The following BRPF3 variants were observed in gnomAD, a reference collection of about 807,000 sequenced individuals.
The protein encoded by BRPF3 is bromodomain and PHD finger containing 3.
Under a neutral mutation model 102.0 loss-of-function variants are expected in BRPF3, and 18 were observed. The observed-to-expected ratio is 0.18, with a 90% confidence interval of 0.12 to 0.26. BRPF3 has a LOEUF of 0.26. Ranked by LOEUF, BRPF3 falls within the 10% of genes least tolerant of loss-of-function variation. The probability of loss-of-function intolerance (pLI) is 1.00; values close to 1 mark genes in which losing one functional copy is unlikely to be tolerated. For synonymous variants in BRPF3, 570 were observed against 614.2 expected, an observed-to-expected ratio of 0.93 and a Z score of 1.06; for missense variants, 1,147 against 1,567.8, an observed-to-expected ratio of 0.73 and a Z score of 4.53.
chr6:36,211,147 T>C (rs1329304155), intron 6 of BRPF3, 111 bp from the exon 7 acceptor site: 22 of 1,250,180 alleles, frequency 1.8e-5, no homozygotes, highest in Non-Finnish European at 2.3e-5. Context: ...TGGAAGCTGC[T>C]GGCCCAGGCA....
chr6:36,213,583 G>T (rs1032398573), intron 7 of BRPF3, among the ~76,000 whole-genome samples: 3 of 151,876 alleles, frequency 2.0e-5, no homozygotes, highest in African/African-American at 7.3e-5. Context: ...TGTGCTTATA[G>T]ACCTAGCTAC....
chr6:36,232,098 A>G lies in BRPF3; in HGVS notation c.*1489A>G, dbSNP rs1331714768. ...AACCAACCACCACAACTTCTTATAC[A>G]TTTGGGACATGAGCCAGAGTTTAAA... On this transcript the variant is annotated 3_prime_UTR_variant, in exon 13 of 13. Transcript: ENST00000357641. 1 of 152,662 alleles carries G rather than the reference A, an allele frequency of 6.6e-6. No homozygotes were observed. The highest frequency in any genetic ancestry group is 6.5e-5 in the Admixed American group (1 of 15,286). The allele number at this position is 152,662 out of a possible 1,614,324, so 9.5% of individuals were successfully genotyped here. A position where few individuals can be genotyped will look rare whatever the true frequency, so the allele number is the denominator to read the frequency against.
chr6:36,204,768 T>C lies in BRPF3; in HGVS notation c.1559T>C (p.Ile520Thr). 6.2e-7 allele frequency: 1 copy of C among 1,614,238 alleles called. No individual in the cohort carries two copies. Among genetic ancestry groups the C allele is most frequent in the Non-Finnish European group, 8.5e-7 (1 of 1,180,044 alleles). ...CAGGCACGGAATGGTGTCCCTCTTA[T>C]CCGGCGCTTGCACTCCCATCTGCAG... ...KRQARNGVPL[I>T]RRLHSHLQSQ... Residue 520 changes from isoleucine to threonine, a missense_variant, in exon 3 of 13, where the codon ATC (isoleucine) becomes ACC (threonine). This residue lies in a region of BRPF3 where 37 missense variants were observed against 33.3 expected (regional missense o/e 1.11). Transcript: ENST00000357641.
rs1768390588 is a variant in BRPF3 at position 36,217,954 on chromosome 6, G to T, written c.3027G>T (p.Gly1009=). The T allele has an allele frequency of 1.2e-6, 2 of 1,613,770 alleles. No individual in the cohort carries two copies. The highest frequency in any genetic ancestry group is 8.5e-7 in the Non-Finnish European group (1 of 1,179,890). The change falls in exon 9 of 13, where the codon GGG becomes GGT. Residue 1009 remains glycine (G), a synonymous_variant. Transcript: ENST00000357641. Reference sequence around the variant, plus strand: ...GCTTTGGAAAACACACCGAAAGCGGGTCTGACTCTGAATGTAGTTTGGGTC... The same window carrying T: ...GCTTTGGAAAACACACCGAAAGCGGTTCTGACTCTGAATGTAGTTTGGGTC... ...TNGFGKHTES[G]SDSECSLGLS...
At position 36,230,615 on chromosome 6, in the gene BRPF3, G is replaced by A; in HGVS notation, c.*6G>A. 2 of 1,604,058 alleles carry A rather than the reference G, an allele frequency of 1.2e-6. No homozygotes were observed. The highest frequency in any genetic ancestry group is 1.7e-6 in the Non-Finnish European group (2 of 1,176,016). On this transcript the variant is annotated 3_prime_UTR_variant, in exon 13 of 13. Coordinates refer to ENST00000357641, the MANE Select transcript of BRPF3 (RefSeq NM_015695.3). The surrounding 1 kb of genome is among the most constrained non-coding windows in gnomAD (Gnocchi z 5.4). ...TCACTTCCAGCTACCTGTAAGGGCA[G>A]GGCTGGGCCTGCATCCGCTTGCCCT... is the stretch of plus-strand genomic sequence containing the variant.
In BRPF3 at chr6:36,232,677, TAAAC is replaced by T. The variant is rs1469649071; in HGVS notation, c.*2070_*2073del. On this transcript the variant is annotated 3_prime_UTR_variant, in exon 13 of 13. Coordinates refer to ENST00000357641, the MANE Select transcript of BRPF3 (RefSeq NM_015695.3). ...ATAACAGATGGTATAAGAGAGGTAATAAACAGAGAAAAATCTATGCTTGTAAAGA... is the reference window on the plus strand; with the variant it reads ...ATAACAGATGGTATAAGAGAGGTAATAGAGAAAAATCTATGCTTGTAAAGA... The T allele has an allele frequency of 3.3e-5, 5 of 152,766 alleles. No homozygotes were observed. Among genetic ancestry groups the T allele is most frequent in the Non-Finnish European group, 7.4e-5 (5 of 68,020 alleles). 9.5% of individuals were successfully genotyped at this position (152,766 alleles called of 1,614,324 possible). A position where few individuals can be genotyped will look rare whatever the true frequency, so the allele number is the denominator to read the frequency against.
chr6:36,212,554 G>C (rs1317291363), intron 7 of BRPF3, among the ~76,000 whole-genome samples: 1 of 147,156 alleles, frequency 6.8e-6, no homozygotes, highest in Non-Finnish European at 1.5e-5. Flanking sequence ...GTGCCCAGTA[G>C]GCCAACAGCA....
chr6:36,200,414 C>T lies in BRPF3; in HGVS notation c.92C>T (p.Thr31Ile). ...CTCAAGTGCTCACCCACCCGGGAGA[C>T]CCTGACATATGCCCAGGCCCAGCGG... ...YSLKCSPTRE[T>I]LTYAQAQRIV... The change falls in exon 2 of 13, where the codon ACC becomes ATC. Residue 31 changes from threonine (T) to isoleucine (I), a missense_variant. Around this residue, in one of 11 missense-constraint regions of BRPF3, gnomAD observed 221 missense variants for 337.1 expected, o/e 0.66. Coordinates refer to ENST00000357641, the MANE Select transcript of BRPF3 (RefSeq NM_015695.3). The surrounding 1 kb of genome is among the most constrained non-coding windows in gnomAD (Gnocchi z 5.3). The T allele has an allele frequency of 1.2e-6, 2 of 1,614,260 alleles. No homozygotes were observed. The highest frequency in any genetic ancestry group is 1.7e-6 in the Non-Finnish European group (2 of 1,180,046).
intron 2 of BRPF3, among the ~76,000 whole-genome samples, chr6:36,203,480 G>C (rs1767791274): frequency 6.6e-6 from 1 of 152,172 alleles, no homozygotes; most frequent in Admixed American, 6.5e-5. Context: ...GTAGAGGGAG[G>C]GTGCTGCCTA....
chr6:36,204,884 G>A (rs1374356682), intron 3 of BRPF3, 70 bp downstream of exon 3: 1 of 1,572,954 alleles, frequency 6.4e-7, no homozygotes, highest in Non-Finnish European at 8.6e-7. Flanking sequence ...GATGGTTGGG[G>A]TGGGGCTGGC....
chr6:36,202,252 GT>G (rs1279092637), intron 2 of BRPF3, among the ~76,000 whole-genome samples: 1 of 152,176 alleles, frequency 6.6e-6, no homozygotes, highest in Non-Finnish European at 1.5e-5. Flanking sequence ...AAGAACCACT[GT>G]TTCAGAGGAT....
intron 1 of BRPF3, chr6:36,197,575 A>G (rs1356264609): frequency 8.0e-5 from 12 of 150,308 alleles, no homozygotes; most frequent in Admixed American, 6.6e-4. Flanking sequence ...TGCAGGGGAT[A>G]CAGTCTAATT....
chr6:36,199,505 A>G (rs112634651), intron 1 of BRPF3, among the ~76,000 whole-genome samples: 12 of 152,260 alleles, frequency 7.9e-5, no homozygotes, highest in African/African-American at 2.9e-4. Context: ...AGATGCCTTC[A>G]CCCCTTCACC....
chr6:36,227,635 C>G (rs758194742), intron 11 of BRPF3, among the ~76,000 whole-genome samples: 1 of 152,180 alleles, frequency 6.6e-6, no homozygotes, highest in African/African-American at 2.4e-5. Flanking sequence ...CAAGAGGAAA[C>G]ATATCAGAGT....
chr6:36,204,798 A>G lies in BRPF3; in HGVS notation c.1589A>G (p.Gln530Arg). ...CGCTTGCACTCCCATCTGCAGTCCC[A>G]AAGAAACGCTGAGCAGGTAGGTGCA... ...IRRLHSHLQSQRNAEQREQDE... is the reference protein window; with the variant it reads ...IRRLHSHLQSRRNAEQREQDE... Residue 530 changes from glutamine to arginine, a missense_variant, in exon 3 of 13, where the codon CAA becomes CGA. Gln to Arg is a conservative substitution (Grantham distance 43). This residue lies in a region of BRPF3 where 37 missense variants were observed against 33.3 expected (regional missense o/e 1.11). Transcript: ENST00000357641. 2 of 1,614,164 alleles carry G rather than the reference A, an allele frequency of 1.2e-6. No homozygotes were observed. The highest frequency in any genetic ancestry group is 1.7e-6 in the Non-Finnish European group (2 of 1,179,976).
In BRPF3 at chr6:36,213,969, A is replaced by G. The variant is rs755361549; in HGVS notation, c.2572A>G (p.Thr858Ala). The G allele has an allele frequency of 1.9e-6, 3 of 1,611,752 alleles. No homozygotes were observed. Among genetic ancestry groups the G allele is most frequent in the Non-Finnish European group, 2.5e-6 (3 of 1,179,106 alleles). ...SEQESPPEPP[T>A]LKPINDSKPP... ...GCAAGAATCCCCCCCGGAGCCCCCT[A>G]CTCTGAAACCCATTAATGATAGCAA... The change falls in exon 8 of 13, where the codon ACT becomes GCT. Residue 858 changes from threonine (T) to alanine (A), a missense_variant. Transcript: ENST00000357641.
In BRPF3 at chr6:36,211,351, T is replaced by A. The variant is rs776320706; in HGVS notation, c.2273T>A (p.Met758Lys). 13 of 1,614,128 alleles carry A rather than the reference T, an allele frequency of 8.1e-6. No individual in the cohort carries two copies. The highest frequency in any genetic ancestry group is 8.5e-7 in the Non-Finnish European group (1 of 1,180,054). ...GAGAAACTGGACCTGGTGAGCGCCA[T>A]GCGGTCCAGTGGGGCCCGCACCCGT... The part of the protein sequence containing the change: ...LLEKLDLVSA[M>K]RSSGARTRRV... Residue 758 changes from methionine to lysine, a missense_variant, in exon 7 of 13, where the codon ATG becomes AAG. This residue lies in a region of BRPF3 where 379 missense variants were observed against 426.3 expected (regional missense o/e 0.89). Coordinates refer to ENST00000357641, the MANE Select transcript of BRPF3 (RefSeq NM_015695.3).
At position 36,216,012 on chromosome 6, in the gene BRPF3, G is replaced by A. The variant is rs546327883; in HGVS notation, c.2989+1626G>A. On this transcript the variant is annotated intron_variant, in intron 8 of 12. Transcript: ENST00000357641. ...CAACAATACCTTCCCATCTCGTCTG[G>A]CCAAAACTTTTCTGTGTTAGGGGAG... 4.4e-4 allele frequency among the ~76,000 whole-genome samples: 67 copies of A among 152,166 alleles called. 2 individuals are homozygous for A. The South Asian group carries it at 0.014, about 32-fold the overall frequency.
At chr6:36,213,596 T>C (rs1336305110) in intron 7 of BRPF3, among the ~76,000 whole-genome samples, 1 of 151,728 alleles carries the variant, frequency 6.6e-6, no homozygotes, top group Non-Finnish European at 1.5e-5. Flanking sequence ...CTAGCTACTT[T>C]GGAGGCTGAG....
Sources: allele counts gnomAD v4.1 joint callset (sites outside exome capture counted in the v4.1 genomes callset), GRCh38; gene constraint gnomAD v4.1.1; regional missense constraint gnomAD v4.1.1; non-coding constraint Gnocchi (gnomAD v3.1); transcripts MANE v1.5; gene names NCBI Gene and HGNC (gene_info 2026-07-23, HGNC 2026-07-21).